MTHFS: variants seen among roughly 807,000 people sequenced by gnomAD.
The protein encoded by MTHFS is methenyltetrahydrofolate synthetase.
Under a neutral mutation model 12.7 loss-of-function variants are expected in MTHFS, and 7 were observed. That is an observed-to-expected ratio of 0.55 (90% CI 0.31 to 1.03). MTHFS has a LOEUF of 1.03. Ranked by LOEUF, MTHFS falls within the 50% of genes least tolerant of loss-of-function variation. The pLI is 0.05. For synonymous variants in MTHFS, 100 were observed against 97.1 expected (o/e 1.03, Z -0.18); for missense variants, 252 against 258.1 (o/e 0.98, Z 0.16).
intron 2 of MTHFS, among the ~76,000 whole-genome samples, chr15:79,882,780 C>T (rs1293986550): frequency 6.6e-6 from 1 of 152,228 alleles, no homozygotes; most frequent in African/African-American, 2.4e-5. Flanking sequence ...CAGGCAGGTA[C>T]AGGTACATCC....
chr15:79,869,275 G>A (rs2034063748), intron 2 of MTHFS, among the ~76,000 whole-genome samples: 1 of 152,170 alleles, frequency 6.6e-6, no homozygotes, highest in Non-Finnish European at 1.5e-5. Flanking sequence ...AAGATGGGGA[G>A]AAGGACCAGT....
At chr15:79,896,795 C>G in intron 1 of MTHFS, 77 bp downstream of exon 1, 3 of 1,531,284 alleles carry the variant, frequency 2.0e-6, no homozygotes, top group Non-Finnish European at 2.6e-6. Context: ...ACGGACCATG[C>G]ACAGATCAGC....
intron 2 of MTHFS, among the ~76,000 whole-genome samples, chr15:79,862,019 A>C (rs2033924265): frequency 6.6e-6 from 1 of 152,034 alleles, no homozygotes; most frequent in Non-Finnish European, 1.5e-5. Context: ...GATTAGTTAG[A>C]TGGCATGTAA....
rs12185084 is a variant in MTHFS, at chr15:79,844,305, G to A, written c.*905C>T. ...TCCAGCTTAGAAATGCTAAAAGGCT[G>A]GACAAAAGGAGTGACAGGAAAATTG... is the stretch of plus-strand genomic sequence containing the variant. On this transcript the variant is annotated 3_prime_UTR_variant, in exon 3 of 3. Transcript: ENST00000258874. 0.18 allele frequency: 27,888 copies of A among 152,146 alleles called. 3,019 individuals are homozygous for A. Among genetic ancestry groups the A allele is most frequent in the South Asian group, 0.25 (1,208 of 4,822 alleles). The allele number at this position is 152,146 out of a possible 1,614,324, so 9.4% of individuals were successfully genotyped here.
intron 2 of MTHFS, among the ~76,000 whole-genome samples, chr15:79,854,162 T>C (rs750945392): frequency 5.3e-5 from 8 of 152,200 alleles, no homozygotes; most frequent in Non-Finnish European, 1.0e-4. Context: ...ATGCAGCGTC[T>C]GTACCAGTCA....
At chr15:79,868,830 A>G (rs1344627822) in intron 2 of MTHFS, among the ~76,000 whole-genome samples, 2 of 152,212 alleles carry the variant, frequency 1.3e-5, no homozygotes, top group Non-Finnish European at 2.9e-5. Flanking sequence ...GGCCTCCACA[A>G]TCACATGAGC....
intron 2 of MTHFS, among the ~76,000 whole-genome samples, chr15:79,853,724 G>A (rs759074054): frequency 2.0e-5 from 3 of 152,176 alleles, no homozygotes; most frequent in East Asian, 1.9e-4. Context: ...AGAGCGGTCC[G>A]TAAGAAACTG....
intron 2 of MTHFS, among the ~76,000 whole-genome samples, chr15:79,872,130 T>G (rs2034118071): frequency 2.1e-5 from 3 of 144,254 alleles, no homozygotes; most frequent in South Asian, 4.4e-4. Flanking sequence ...AAAAAAAAAT[T>G]TAAGTATAGC....
intron 2 of MTHFS, among the ~76,000 whole-genome samples, chr15:79,846,634 A>G (rs1019465867): frequency 6.6e-6 from 1 of 152,176 alleles, no homozygotes; most frequent in Non-Finnish European, 1.5e-5. Flanking sequence ...CATGCCTCAG[A>G]TTACAGTAAT....
intron 2 of MTHFS, among the ~76,000 whole-genome samples, chr15:79,872,764 C>T (rs2034129221): frequency 6.6e-6 from 1 of 152,142 alleles, no homozygotes; most frequent in Admixed American, 6.5e-5. Flanking sequence ...TTTCTTATGC[C>T]AATGAGCAAT....
chr15:79,896,229 G>A (rs539320916), intron 1 of MTHFS, among the ~76,000 whole-genome samples: 60 of 152,304 alleles, frequency 3.9e-4, no homozygotes, highest in Non-Finnish European at 6.5e-4. Flanking sequence ...TCAAGAAAAA[G>A]CATTTAATGT....
Position 79,843,644 on chromosome 15 carries a change from G to A in MTHFS, c.*1566C>T, listed in dbSNP as rs144790641. ...GTATTTTGAATGAAACACTTCCAAT[G>A]TATTCAATTATTTCATTAAAAAATT... On this transcript the variant is annotated 3_prime_UTR_variant, in exon 3 of 3. Transcript: ENST00000258874. The A allele has an allele frequency of 7.9e-5, 12 of 152,280 alleles. No individual in the cohort carries two copies. Among genetic ancestry groups the A allele is most frequent in the African/African-American group, 2.9e-4 (12 of 41,548 alleles). The allele number at this position is 152,280 out of a possible 1,614,324, so 9.4% of individuals were successfully genotyped here.
At chr15:79,894,004 A>G (rs1337668501) in intron 1 of MTHFS, among the ~76,000 whole-genome samples, 2 of 152,204 alleles carry the variant, frequency 1.3e-5, no homozygotes, top group Admixed American at 6.5e-5. Context: ...AACACTACAC[A>G]GTACACTGAT....
At chr15:79,866,989 A>AT (rs2034023306) in intron 2 of MTHFS, among the ~76,000 whole-genome samples, 1 of 119,672 alleles carries the variant, frequency 8.4e-6, no homozygotes, top group Non-Finnish European at 1.9e-5. Context: ...CAAAAAGAAA[A>AT]GAAAAAAAAA....
At chr15:79,895,884 G>C (rs1398768152) in intron 1 of MTHFS, among the ~76,000 whole-genome samples, 1 of 152,142 alleles carries the variant, frequency 6.6e-6, no homozygotes, top group African/African-American at 2.4e-5. Flanking sequence ...CATGATGCTG[G>C]GAAGACAGAT....
At chr15:79,867,880 G>T (rs778673940) in intron 2 of MTHFS, among the ~76,000 whole-genome samples, 1 of 152,162 alleles carries the variant, frequency 6.6e-6, no homozygotes, top group Non-Finnish European at 1.5e-5. Context: ...CAATCTACTG[G>T]GATCATAGAA....
chr15:79,896,622 C>A (rs1365183230), intron 1 of MTHFS, among the ~76,000 whole-genome samples: 1 of 152,206 alleles, frequency 6.6e-6, no homozygotes, highest in Non-Finnish European at 1.5e-5. Flanking sequence ...AATCTGTCAA[C>A]CCCTGCCGTC....
chr15:79,887,923 G>A (rs975145917), intron 2 of MTHFS, among the ~76,000 whole-genome samples: 3 of 152,028 alleles, frequency 2.0e-5, no homozygotes, highest in Non-Finnish European at 4.4e-5. Context: ...CTACTGTTAC[G>A]AGTCCTTGAC....
intron 2 of MTHFS, among the ~76,000 whole-genome samples, chr15:79,862,079 T>C (rs1423652462): frequency 1.3e-5 from 2 of 152,178 alleles, no homozygotes; most frequent in African/African-American, 4.8e-5. Flanking sequence ...GCTTTTTTTT[T>C]TCCTTTTTGT....
Sources: gnomAD v4.1 joint callset for allele counts (sites outside exome capture counted in the v4.1 genomes callset) on GRCh38, gnomAD v4.1.1 for gene constraint, MANE v1.5 for transcripts, NCBI Gene and HGNC (gene_info 2026-07-23, HGNC 2026-07-21) for gene names.